The following ITFG1 variants were observed in gnomAD, a reference collection of about 807,000 sequenced individuals.
ITFG1 encodes the protein T-cell immunomodulatory protein.
A neutral mutation model predicts 81.8 loss-of-function variants in ITFG1; 34 were observed. The ratio of observed to expected loss-of-function variants is 0.42; its 90% CI spans 0.32 to 0.55. The LOEUF is 0.55. Ranked by LOEUF, ITFG1 falls within the 20% of genes least tolerant of loss-of-function variation. The pLI is 0.17. For synonymous variants in ITFG1, 285 were observed against 270.6 expected (o/e 1.05, Z -0.52); for missense variants, 672 against 755.4 (o/e 0.89, Z 1.29).
intron 14 of ITFG1, among the ~76,000 whole-genome samples, chr16:47,166,018 A>T (rs1964885372): frequency 6.6e-6 from 1 of 152,224 alleles, no homozygotes; most frequent in Admixed American, 6.5e-5. Context: ...ACCGGAAGTG[A>T]GGGTCAGATA....
chr16:47,365,257 T>G (rs1267243561), intron 8 of ITFG1, among the ~76,000 whole-genome samples: 1 of 152,164 alleles, frequency 6.6e-6, no homozygotes, highest in Non-Finnish European at 1.5e-5. Flanking sequence ...CTCTGACAAA[T>G]GATAAAAAGA....
intron 15 of ITFG1, 96 bp downstream of exon 15, chr16:47,162,444 T>C: frequency 9.1e-7 from 1 of 1,100,972 alleles, no homozygotes; most frequent in South Asian, 1.9e-5. Context: ...TTTATTTGAA[T>C]TCAAATTCAA....
chr16:47,343,193 G>T (rs545842557), intron 8 of ITFG1, among the ~76,000 whole-genome samples: 2 of 152,012 alleles, frequency 1.3e-5, no homozygotes, highest in Admixed American at 1.3e-4. Context: ...ACACATAGAC[G>T]TATGGCCACC....
At chr16:47,355,984 G>A (rs1353845937) in intron 8 of ITFG1, among the ~76,000 whole-genome samples, 1 of 152,162 alleles carries the variant, frequency 6.6e-6, no homozygotes, top group Admixed American at 6.5e-5. Context: ...GTCACTGTTG[G>A]TGACCATTAC....
At chr16:47,310,318 T>C (rs528769672) in intron 10 of ITFG1, among the ~76,000 whole-genome samples, 12 of 152,228 alleles carry the variant, frequency 7.9e-5, no homozygotes, top group Non-Finnish European at 1.8e-4. Flanking sequence ...TTTTGTATCA[T>C]GAGCCTGGTT....
intron 6 of ITFG1, among the ~76,000 whole-genome samples, chr16:47,414,864 T>C (rs146222272): frequency 7.9e-4 from 121 of 152,306 alleles, no homozygotes; most frequent in African/African-American, 2.6e-3. Context: ...TAGCCTTCTG[T>C]TTTTACCACT....
intron 10 of ITFG1, among the ~76,000 whole-genome samples, chr16:47,296,976 T>C (rs1271099713): frequency 6.6e-6 from 1 of 152,196 alleles, no homozygotes; most frequent in Non-Finnish European, 1.5e-5. Context: ...CTAGTGTTTG[T>C]GGTTTTTCTG....
intron 8 of ITFG1, among the ~76,000 whole-genome samples, chr16:47,331,275 T>C (rs1271800883): frequency 1.3e-5 from 2 of 151,890 alleles, no homozygotes; most frequent in African/African-American, 2.4e-5. Context: ...TGGATACCCA[T>C]GGACGTAAAG....
chr16:47,327,722 A>G (rs1353300531), intron 8 of ITFG1, among the ~76,000 whole-genome samples: 1 of 152,234 alleles, frequency 6.6e-6, no homozygotes, highest in Non-Finnish European at 1.5e-5. Context: ...AACACATGAA[A>G]AAATGCTCAT....
At chr16:47,382,567 A>G (rs2151592783) in intron 6 of ITFG1, among the ~76,000 whole-genome samples, 1 of 150,720 alleles carries the variant, frequency 6.6e-6, no homozygotes, top group South Asian at 2.1e-4. Flanking sequence ...GAATCCAGGC[A>G]CACAAGGCTG....
rs1965368610 is a variant in ITFG1, at chr16:47,197,221, GTC to G, written c.1453+21645_1453+21646del. 3.3e-5 allele frequency among the ~76,000 whole-genome samples: 5 copies of G among 152,186 alleles called. No individual in the cohort carries two copies. In the South Asian group the frequency reaches 1.0e-3, roughly 31 times the overall value. On this transcript the variant is annotated intron_variant, in intron 14 of 17. Coordinates refer to ENST00000320640, the MANE Select transcript of ITFG1 (RefSeq NM_030790.5). ...TTCTCAGATCTAGGAGAGATTAAGAGTCTGACATATTTTAAGGTCTGAAAACA... is the reference window on the plus strand; with the variant it reads ...TTCTCAGATCTAGGAGAGATTAAGAGTGACATATTTTAAGGTCTGAAAACA...
intron 6 of ITFG1, among the ~76,000 whole-genome samples, chr16:47,388,006 C>G (rs146979690): frequency 1.7e-3 from 252 of 149,372 alleles, no homozygotes; most frequent in African/African-American, 5.9e-3. Flanking sequence ...TATCCATAGA[C>G]AGAAATGATA....
intron 8 of ITFG1, among the ~76,000 whole-genome samples, chr16:47,325,496 A>G (rs548681272): frequency 6.6e-5 from 10 of 152,336 alleles, no homozygotes; most frequent in African/African-American, 1.9e-4. Flanking sequence ...AAGGAAATAG[A>G]GACACAAAAA....
intron 8 of ITFG1, among the ~76,000 whole-genome samples, chr16:47,347,171 TC>T (rs2151579628): frequency 6.6e-6 from 1 of 152,330 alleles, no homozygotes; most frequent in South Asian, 2.1e-4. Flanking sequence ...CGGGTTCATC[TC>T]ACTGGGGCTT....
chr16:47,410,473 C>A (rs1335919364), intron 6 of ITFG1, among the ~76,000 whole-genome samples: 1 of 151,894 alleles, frequency 6.6e-6, no homozygotes, highest in East Asian at 1.9e-4. Flanking sequence ...AGCCAGGAAG[C>A]GCCTCTCCCA....
intron 12 of ITFG1, among the ~76,000 whole-genome samples, chr16:47,251,911 G>A (rs1479013155): frequency 6.6e-6 from 1 of 152,180 alleles, no homozygotes; most frequent in Non-Finnish European, 1.5e-5. Context: ...AGTTGACTAT[G>A]GGTAACTAAA....
chr16:47,187,095 C>G (rs1464890454), intron 14 of ITFG1, among the ~76,000 whole-genome samples: 1 of 152,156 alleles, frequency 6.6e-6, no homozygotes, highest in East Asian at 1.9e-4. Flanking sequence ...CAAACCACTG[C>G]TCAAGGAAAT....
intron 14 of ITFG1, among the ~76,000 whole-genome samples, chr16:47,181,324 T>G (rs1039507038): frequency 6.8e-6 from 1 of 147,998 alleles, no homozygotes; most frequent in Non-Finnish European, 1.5e-5. Context: ...CGTCTCCGCC[T>G]GGCAGCCGCC....
intron 2 of ITFG1, among the ~76,000 whole-genome samples, chr16:47,454,924 G>C (rs1442718279): frequency 6.6e-6 from 1 of 152,110 alleles, no homozygotes; most frequent in Non-Finnish European, 1.5e-5. Flanking sequence ...TTTCCAATTA[G>C]ACTATAGATA....
Sources: allele counts gnomAD v4.1 joint callset (sites outside exome capture counted in the v4.1 genomes callset), GRCh38; gene constraint gnomAD v4.1.1; transcripts MANE v1.5; gene names NCBI Gene and HGNC (gene_info 2026-07-23, HGNC 2026-07-21).